TUBAL3: variants seen among roughly 807,000 people sequenced by gnomAD.
TUBAL3 encodes tubulin alpha like 3.
In TUBAL3, 16 loss-of-function variants were observed where a neutral mutation model predicts 15.5. The observed-to-expected ratio is 1.04, with a 90% CI of 0.70 to 1.57. The LOEUF is 1.57. TUBAL3 is among the 40% of genes most tolerant of loss of function. TUBAL3 has a pLI of 0.00. For missense variants in TUBAL3, 609 were observed against 576.2 expected (o/e 1.06, Z -0.58); for synonymous variants, 238 against 224.3 (o/e 1.06, Z -0.55).
Position 5,393,250 on chromosome 10 carries a change from A to G in TUBAL3, c.*267T>C, listed in dbSNP as rs1321454913. 3.9e-5 allele frequency: 14 copies of G among 357,224 alleles called. No homozygotes were observed. Among genetic ancestry groups the G allele is most frequent in the East Asian group, 4.3e-5 (1 of 23,330 alleles). The allele number at this position is 357,224 out of a possible 1,614,324, so 22.1% of individuals were successfully genotyped here. On this transcript the variant is annotated 3_prime_UTR_variant, in exon 4 of 4. Transcript: ENST00000380419. ...TCATTGTCTCTTGGTAAAACAAAAA[A>G]ATCCCACCTAGAAGTGACTCAGCAG... is the stretch of plus-strand genomic sequence containing the variant.
At position 5,396,791 on chromosome 10, in the gene TUBAL3, T is replaced by C. The variant is rs1294494541; in HGVS notation, c.248-1316A>G. ...ATTACTCAAATAGCATTATTCCTGATGATTAAACAGCAGTGTTTCAGGGCT... is the reference window on the plus strand; with the variant it reads ...ATTACTCAAATAGCATTATTCCTGACGATTAAACAGCAGTGTTTCAGGGCT... On this transcript the variant is annotated intron_variant, in intron 2 of 3. Transcript: ENST00000380419. The surrounding 1 kb of genome is among the most constrained non-coding windows in gnomAD (Gnocchi z 5.1). Among the ~76,000 whole-genome samples the C allele has an allele frequency of 6.6e-6, 1 of 152,222 alleles. No homozygotes were observed. The highest frequency in any genetic ancestry group is 2.4e-5 in the African/African-American group (1 of 41,446).
Position 5,394,017 on chromosome 10 carries a change from G to A in TUBAL3, c.841C>T (p.Pro281Ser). Residue 281 changes from proline (P) to serine (S), a missense_variant, in exon 4 of 4, where the codon CCC (proline) becomes TCC (serine). Transcript: ENST00000380419. The surrounding 1 kb of genome is among the most constrained non-coding windows in gnomAD (Gnocchi z 4.3). Reference protein sequence around the residue: ...RIHFPMTAFAPIVSADKAYHE... With the variant: ...RIHFPMTAFASIVSADKAYHE... The stretch of plus-strand genomic sequence containing the variant: ...TAGGCTTTGTCAGCAGAGACGATGG[G>A]GGCGAAGGCTGTCATGGGGAAATGT... 1 of 1,614,174 alleles carries A rather than the reference G, an allele frequency of 6.2e-7. No homozygotes were observed. Among genetic ancestry groups the A allele is most frequent in the Non-Finnish European group, 8.5e-7 (1 of 1,180,038 alleles).
rs146683258 is a variant in TUBAL3, at chr10:5,396,485, A to C, written c.248-1010T>G. 6.6e-6 allele frequency among the ~76,000 whole-genome samples: 1 copy of C among 152,182 alleles called. No individual in the cohort carries two copies. Among genetic ancestry groups the C allele is most frequent in the Non-Finnish European group, 1.5e-5 (1 of 68,030 alleles). ...GCCATCGCACTCCAGCCTGGGCAAC[A>C]AGAGTGAAATTCTGTCTCAAAAAAA... On this transcript the variant is annotated intron_variant, in intron 2 of 3. Coordinates refer to ENST00000380419, the MANE Select transcript of TUBAL3 (RefSeq NM_024803.3). The surrounding 1 kb of genome is among the most constrained non-coding windows in gnomAD (Gnocchi z 5.1).
intron 2 of TUBAL3, among the ~76,000 whole-genome samples, chr10:5,398,980 T>C (rs1831807913): frequency 6.6e-6 from 1 of 152,200 alleles, no homozygotes; most frequent in Non-Finnish European, 1.5e-5. Flanking sequence ...TTCAACAGTG[T>C]TGTTATAACT....
At chr10:5,400,267 C>CT (rs1831829436) in intron 2 of TUBAL3, among the ~76,000 whole-genome samples, 1 of 152,166 alleles carries the variant, frequency 6.6e-6, no homozygotes, top group South Asian at 2.1e-4. Flanking sequence ...CAGGAAAAGA[C>CT]TTAGTGTTCT....
At chr10:5,398,420 C>CAA (rs67359864) in intron 2 of TUBAL3, among the ~76,000 whole-genome samples, 11 of 80,854 alleles carry the variant, frequency 1.4e-4, no homozygotes, top group East Asian at 7.4e-4. Flanking sequence ...AACTCTGTCT[C>CAA]AAAAAAAAAA....
rs1192627588 is a variant in TUBAL3 at position 5,396,380 on chromosome 10, G to C, written c.248-905C>G. Among the ~76,000 whole-genome samples, 3 of 151,944 alleles carry C rather than the reference G, an allele frequency of 2.0e-5. No homozygotes were observed. The highest frequency in any genetic ancestry group is 7.3e-5 in the African/African-American group (3 of 41,356). On this transcript the variant is annotated intron_variant, in intron 2 of 3. Transcript: ENST00000380419. This position sits in a 1 kb window ranked among gnomAD's most constrained non-coding sequence, Gnocchi z 5.1. ...GAAAATTAGCCAGGCATGGTGGTGG[G>C]TGCCTGTAATCCCAGCTACTCGGGA...
chr10:5,404,555 C>A lies in TUBAL3; in HGVS notation c.3+235G>T, dbSNP rs1831902285. ...CAGTGCTTCAATTAATGGCAGTGAG[C>A]TACTGCAAATCAACTGAGCTTTACC... On this transcript the variant is annotated intron_variant, in intron 1 of 3. Coordinates refer to ENST00000380419, the MANE Select transcript of TUBAL3 (RefSeq NM_024803.3). 2.0e-5 allele frequency among the ~76,000 whole-genome samples: 3 copies of A among 152,154 alleles called. No individual in the cohort carries two copies. In the South Asian group the frequency reaches 6.2e-4, roughly 32 times the overall value.
In TUBAL3 at chr10:5,393,979, G is replaced by A. The variant is rs1554813800; in HGVS notation, c.879C>T (p.Phe293=). 6.2e-7 allele frequency: 1 copy of A among 1,614,100 alleles called. No homozygotes were observed. Among genetic ancestry groups the A allele is most frequent in the African/African-American group, 1.3e-5 (1 of 74,930 alleles). Reference sequence around the variant, plus strand: ...AGGCAGTGGTGATGTCTGACACAGAGAACTGCTCATGGTAGGCTTTGTCAG... The same window carrying A: ...AGGCAGTGGTGATGTCTGACACAGAAAACTGCTCATGGTAGGCTTTGTCAG... ...VSADKAYHEQ[F]SVSDITTACF... Residue 293 remains phenylalanine, a synonymous_variant, in exon 4 of 4, where the codon TTC becomes TTT. Coordinates refer to ENST00000380419, the MANE Select transcript of TUBAL3 (RefSeq NM_024803.3).
chr10:5,401,189 T>G, intron 1 of TUBAL3, 102 bp from the exon 2 acceptor site: 1 of 1,418,040 alleles, frequency 7.1e-7, no homozygotes, highest in Non-Finnish European at 9.6e-7. Flanking sequence ...CAAGCTAGCT[T>G]AAGGCCACGG....
At position 5,401,066 on chromosome 10, in the gene TUBAL3, T is replaced by A; in HGVS notation, c.25A>T (p.Ile9Phe). The change falls in exon 2 of 4, where the codon ATC becomes TTC. Residue 9 changes from isoleucine to phenylalanine, a missense_variant. Coordinates refer to ENST00000380419, the MANE Select transcript of TUBAL3 (RefSeq NM_024803.3). MRECLSIH[I>F]GQAGIQIGDA... The stretch of plus-strand genomic sequence containing the variant: ...CCAATCTGGATGCCAGCTTGACCGA[T>A]GTGGATGGAAAGGCACTCCCTCTAA... 1 of 1,614,130 alleles carries A rather than the reference T, an allele frequency of 6.2e-7. No individual in the cohort carries two copies. The highest frequency in any genetic ancestry group is 8.5e-7 in the Non-Finnish European group (1 of 1,180,026).
At chr10:5,401,430 ATGTGTGTGTGTGTG>A (rs5782825) in intron 1 of TUBAL3, among the ~76,000 whole-genome samples, 3 of 149,840 alleles carry the variant, frequency 2.0e-5, no homozygotes, top group Non-Finnish European at 4.5e-5. Context: ...TATAGGTGAG[ATGTGTGTGTGTGTG>A]TGTGTGTGTG....
rs1379825090 is a variant in TUBAL3, at chr10:5,395,080, G to C, written c.396+247C>G. On this transcript the variant is annotated intron_variant, in intron 3 of 3. Transcript: ENST00000380419. The surrounding 1 kb of genome is among the most constrained non-coding windows in gnomAD (Gnocchi z 4.6). ...CGTAACAAGATGAACCCTGTGTTAG[G>C]AGAACCAGGGATGATCAGGTGATCA... Among the ~76,000 whole-genome samples, 1 of 152,176 alleles carries C rather than the reference G, an allele frequency of 6.6e-6. No individual in the cohort carries two copies. The highest frequency in any genetic ancestry group is 1.5e-5 in the Non-Finnish European group (1 of 68,034).
In TUBAL3 at chr10:5,401,039, C is replaced by A. The variant is rs782467469; in HGVS notation, c.52G>T (p.Asp18Tyr). 1 of 1,614,202 alleles carries A rather than the reference C, an allele frequency of 6.2e-7. No homozygotes were observed. The highest frequency in any genetic ancestry group is 1.1e-5 in the South Asian group (1 of 91,080). ...AGGCAATAGAGTTCCCAGCAGGCGTCCCCAATCTGGATGCCAGCTTGACCG... is the reference window on the plus strand; with the variant it reads ...AGGCAATAGAGTTCCCAGCAGGCGTACCCAATCTGGATGCCAGCTTGACCG... Reference protein sequence around the residue: ...HIGQAGIQIGDACWELYCLEH... With the variant: ...HIGQAGIQIGYACWELYCLEH... The change falls in exon 2 of 4, where the codon GAC (aspartate) becomes TAC (tyrosine). Residue 18 changes from aspartate (D) to tyrosine (Y), a missense_variant. Transcript: ENST00000380419.
intron 2 of TUBAL3, among the ~76,000 whole-genome samples, chr10:5,400,088 A>T (rs1038833699): frequency 2.6e-5 from 4 of 152,174 alleles, no homozygotes; most frequent in African/African-American, 9.7e-5. Flanking sequence ...GACATACTAC[A>T]AGTCTATTGT....
At chr10:5,399,266 C>T (rs1831811603) in intron 2 of TUBAL3, among the ~76,000 whole-genome samples, 1 of 152,158 alleles carries the variant, frequency 6.6e-6, no homozygotes, top group African/African-American at 2.4e-5. Context: ...ATGGCTGTGT[C>T]CCCCCACAAT....
chr10:5,396,806 G>A lies in TUBAL3; in HGVS notation c.248-1331C>T, dbSNP rs994868682. Among the ~76,000 whole-genome samples the A allele has an allele frequency of 2.0e-5, 3 of 152,210 alleles. No individual in the cohort carries two copies. The highest frequency in any genetic ancestry group is 4.4e-5 in the Non-Finnish European group (3 of 68,040). The stretch of plus-strand genomic sequence containing the variant: ...TTATTCCTGATGATTAAACAGCAGT[G>A]TTTCAGGGCTAAGTAGGCTTTGGGA... On this transcript the variant is annotated intron_variant, in intron 2 of 3. Coordinates refer to ENST00000380419, the MANE Select transcript of TUBAL3 (RefSeq NM_024803.3). This position sits in a 1 kb window ranked among gnomAD's most constrained non-coding sequence, Gnocchi z 5.1.
Position 5,401,012 on chromosome 10 carries a change from C to A in TUBAL3, c.79G>T (p.Glu27Ter), listed in dbSNP as rs1336448943. Residue 27 changes from glutamate (E) to a stop codon, truncating the protein, a stop_gained, in exon 2 of 4, where the codon GAA becomes TAA. Transcript: ENST00000380419. LOFTEE classifies it high-confidence loss of function. ...ACGCCATTTGGCTGGATTCCATGTT[C>A]CAGGCAATAGAGTTCCCAGCAGGCG... ...GDACWELYCL[E>*]HGIQPNGVVL... 3 of 1,614,044 alleles carry A rather than the reference C, an allele frequency of 1.9e-6. No homozygotes were observed. Among genetic ancestry groups the A allele is most frequent in the Non-Finnish European group, 1.7e-6 (2 of 1,180,046 alleles).
rs1413730430 is a variant in TUBAL3, at chr10:5,395,785, G to C, written c.248-310C>G. On this transcript the variant is annotated intron_variant, in intron 2 of 3. Transcript: ENST00000380419. This position sits in a 1 kb window ranked among gnomAD's most constrained non-coding sequence, Gnocchi z 4.6. ...GAATTTATTTCCTAACAGCTCCAGA[G>C]GCTGGAAGTCTAACATCAAGGCGTT... 6.6e-6 allele frequency among the ~76,000 whole-genome samples: 1 copy of C among 152,156 alleles called. No individual in the cohort carries two copies. Among genetic ancestry groups the C allele is most frequent in the Non-Finnish European group, 1.5e-5 (1 of 68,034 alleles).
Sources: gnomAD v4.1 joint callset for allele counts (sites outside exome capture counted in the v4.1 genomes callset) on GRCh38, gnomAD v4.1.1 for gene constraint, Gnocchi (gnomAD v3.1) non-coding constraint, MANE v1.5 for transcripts, NCBI Gene and HGNC (gene_info 2026-07-23, HGNC 2026-07-21) for gene names.